Variants in CSMD1 observed in about 807,000 individuals in gnomAD.
CSMD1 encodes the protein CUB and sushi domain-containing protein 1.
CSMD1 carries 213 observed loss-of-function variants against 417.5 expected under a neutral mutation model. The ratio of observed to expected loss-of-function variants is 0.51; its 90% CI spans 0.46 to 0.57. The LOEUF is 0.57. CSMD1 is among the 20% of genes least tolerant of loss of function. The pLI is 0.00. For missense variants in CSMD1, 6,923 were observed against 4,529.7 expected, an observed-to-expected ratio of 1.53 and a Z score of -15.17; for synonymous variants, 2,862 against 1,736.8, an observed-to-expected ratio of 1.65 and a Z score of -16.11.
At chr8:3,840,561 A>C (rs1386927760) in intron 5 of CSMD1, among the ~76,000 whole-genome samples, 1 of 152,144 alleles carries the variant, frequency 6.6e-6, no homozygotes, top group African/African-American at 2.4e-5. Context: ...AAATGCAAGC[A>C]TGCCTCCTTA....
Position 4,051,772 on chromosome 8 carries a change from C to T in CSMD1, c.416-19673G>A, listed in dbSNP as rs547076979. On this transcript the variant is annotated intron_variant, in intron 3 of 69. Transcript: ENST00000635120. ...ACCACTGCTGGTTTTGGTAGGGCTCCCAGTGTCCCAGGTGTGATGGACACC... is the reference window on the plus strand; with the variant it reads ...ACCACTGCTGGTTTTGGTAGGGCTCTCAGTGTCCCAGGTGTGATGGACACC... 2.6e-5 allele frequency among the ~76,000 whole-genome samples: 4 copies of T among 152,270 alleles called. No individual in the cohort carries two copies. The East Asian group carries it at 7.7e-4, about 29-fold the overall frequency.
In CSMD1 at chr8:4,907,686, G is replaced by A. The variant is rs927988992; in HGVS notation, c.85+86646C>T. On this transcript the variant is annotated intron_variant, in intron 1 of 69. Coordinates refer to ENST00000635120, the MANE Select transcript of CSMD1 (RefSeq NM_033225.6). ...ATGATCCTCCTAGTCAACTACTAGA[G>A]TAGCTGGGACCACAGGCACATGCCA... Among the ~76,000 whole-genome samples, 4 of 151,570 alleles carry A rather than the reference G, an allele frequency of 2.6e-5. No homozygotes were observed. The South Asian group carries it at 6.2e-4, about 24-fold the overall frequency.
At chr8:4,086,310 G>C (rs924468951) in intron 3 of CSMD1, among the ~76,000 whole-genome samples, 5 of 152,202 alleles carry the variant, frequency 3.3e-5, no homozygotes, top group Non-Finnish European at 7.3e-5. Context: ...TCATCAGACA[G>C]AAGTTCCAAA....
In CSMD1 at chr8:3,352,480, G is replaced by T. The variant is rs558312226; in HGVS notation, c.3305-4319C>A. Among the ~76,000 whole-genome samples the T allele has an allele frequency of 3.3e-5, 5 of 152,200 alleles. 1 individual carries two copies. In the South Asian group the frequency reaches 1.0e-3, roughly 32 times the overall value. The stretch of plus-strand genomic sequence containing the variant: ...TTGTAATAATACCATGCCTGATGGG[G>T]TACAGGAATTTATCTAATTTTGTTT... On this transcript the variant is annotated intron_variant, in intron 21 of 69. Coordinates refer to ENST00000635120, the MANE Select transcript of CSMD1 (RefSeq NM_033225.6).
At chr8:3,293,022 G>C (rs1176090541) in intron 25 of CSMD1, among the ~76,000 whole-genome samples, 1 of 151,866 alleles carries the variant, frequency 6.6e-6, no homozygotes, top group East Asian at 1.9e-4. Context: ...GGCAGGCCTG[G>C]TGGTGACAAA....
chr8:3,376,269 T>A (rs1180643975), intron 18 of CSMD1, among the ~76,000 whole-genome samples: 2 of 152,020 alleles, frequency 1.3e-5, no homozygotes, highest in African/African-American at 2.4e-5. Context: ...GTAAACTAAT[T>A]GCCTGCAAGT....
At chr8:4,601,500 A>C (rs1800580326) in intron 2 of CSMD1, among the ~76,000 whole-genome samples, 1 of 152,162 alleles carries the variant, frequency 6.6e-6, no homozygotes, top group African/African-American at 2.4e-5. Flanking sequence ...TACAGAATAG[A>C]CAAGGAGGGA....
At chr8:3,295,274 A>T (rs1223897960) in intron 25 of CSMD1, among the ~76,000 whole-genome samples, 1 of 151,828 alleles carries the variant, frequency 6.6e-6, no homozygotes, top group African/African-American at 2.4e-5. Flanking sequence ...ACAGGTGCCC[A>T]CCACCACACA....
chr8:3,734,417 A>G (rs1461682308), intron 6 of CSMD1, among the ~76,000 whole-genome samples: 1 of 152,214 alleles, frequency 6.6e-6, no homozygotes, highest in African/African-American at 2.4e-5. Flanking sequence ...TCAATTTAAA[A>G]TACAGAAACT....
intron 26 of CSMD1, among the ~76,000 whole-genome samples, chr8:3,232,746 T>G (rs1034742325): frequency 1.3e-5 from 2 of 152,186 alleles, no homozygotes; most frequent in Non-Finnish European, 2.9e-5. Flanking sequence ...CATCTTAGCT[T>G]GTGTTTTCTA....
intron 12 of CSMD1, among the ~76,000 whole-genome samples, chr8:3,418,103 G>C (rs1052741320): frequency 7.9e-5 from 12 of 152,266 alleles, no homozygotes; most frequent in African/African-American, 2.4e-4. Flanking sequence ...TACCATGTTT[G>C]CTTTTCATAC....
At chr8:4,901,205 T>C (rs559750259) in intron 1 of CSMD1, among the ~76,000 whole-genome samples, 2 of 152,200 alleles carry the variant, frequency 1.3e-5, no homozygotes. Flanking sequence ...CCTCTTTTAT[T>C]TTGTAGAAAC....
At position 4,725,058 on chromosome 8, in the gene CSMD1, A is replaced by T. The variant is rs375822260; in HGVS notation, c.86-87500T>A. On this transcript the variant is annotated intron_variant, in intron 1 of 69. Transcript: ENST00000635120. The stretch of plus-strand genomic sequence containing the variant: ...TTTGCTATTTTAAACATAAAAGGGG[A>T]AATGTGTGACTTTTGCCATTTGCGA... 1.5e-3 allele frequency among the ~76,000 whole-genome samples: 221 copies of T among 152,306 alleles called. 7 individuals are homozygous for T. In the South Asian group the frequency reaches 0.04, roughly 28 times the overall value.
At chr8:4,204,687 C>G (rs189639629) in intron 3 of CSMD1, among the ~76,000 whole-genome samples, 43 of 152,180 alleles carry the variant, frequency 2.8e-4, no homozygotes, top group African/African-American at 9.9e-4. Context: ...CACAGTTTCA[C>G]TCTGTCACCC....
intron 3 of CSMD1, among the ~76,000 whole-genome samples, chr8:4,157,146 G>C (rs1435196530): frequency 6.6e-6 from 1 of 152,162 alleles, no homozygotes; most frequent in African/African-American, 2.4e-5. Flanking sequence ...ATATTTTTAA[G>C]TGGTAGAAGA....
chr8:3,950,367 A>T (rs925605669), intron 5 of CSMD1, among the ~76,000 whole-genome samples: 1 of 152,234 alleles, frequency 6.6e-6, no homozygotes, highest in Admixed American at 6.5e-5. Flanking sequence ...GTTTAAGAAC[A>T]GGGAAAACTC....
chr8:4,225,295 T>G (rs1425603457), intron 3 of CSMD1, among the ~76,000 whole-genome samples: 1 of 152,192 alleles, frequency 6.6e-6, no homozygotes, highest in Non-Finnish European at 1.5e-5. Context: ...AATCATGTTT[T>G]AAACTTTCTT....
chr8:3,308,731 A>AATTTTTTTTTTTT (rs750152499), intron 23 of CSMD1, among the ~76,000 whole-genome samples: 45 of 75,804 alleles, frequency 5.9e-4, no homozygotes, highest in Non-Finnish European at 9.0e-4. Context: ...CCTACTTACA[A>AATTTTTTTTTTTT]GTTTTTTTTT....
chr8:3,838,440 G>A (rs1423172605), intron 5 of CSMD1, among the ~76,000 whole-genome samples: 6 of 148,826 alleles, frequency 4.0e-5, no homozygotes, highest in African/African-American at 1.5e-4. Context: ...GAGTGTAAGA[G>A]TATAGACTAT....
Sources: allele counts gnomAD v4.1 joint callset (sites outside exome capture counted in the v4.1 genomes callset), GRCh38; gene constraint gnomAD v4.1.1; transcripts MANE v1.5; gene names NCBI Gene and HGNC (gene_info 2026-07-23, HGNC 2026-07-21).